The following MYOCD variants were observed in gnomAD, a reference collection of about 807,000 sequenced individuals.
MYOCD encodes the protein myocardin.
A neutral mutation model predicts 96.1 loss-of-function variants in MYOCD; 32 were observed. That is an observed-to-expected ratio of 0.33 (90% CI 0.25 to 0.45). The LOEUF is 0.45. Ranked by LOEUF, MYOCD falls within the 20% of genes least tolerant of loss-of-function variation. The pLI is 1.00. For synonymous variants in MYOCD, 469 were observed against 469.0 expected (o/e 1.00, Z 0.00); for missense variants, 1,133 against 1,200.6 (o/e 0.94, Z 0.83).
intron 6 of MYOCD, among the ~76,000 whole-genome samples, chr17:12,736,805 T>G (rs964039978): frequency 1.3e-5 from 2 of 152,096 alleles, no homozygotes; most frequent in African/African-American, 2.4e-5. Flanking sequence ...GAGGCCCACG[T>G]TGCTTCTGCT....
intron 12 of MYOCD, among the ~76,000 whole-genome samples, chr17:12,759,823 A>C (rs956236766): frequency 1.3e-5 from 2 of 152,196 alleles, no homozygotes; most frequent in Admixed American, 6.5e-5. Context: ...GTCACTTCAA[A>C]GTAAGAGCGT....
intron 9 of MYOCD, among the ~76,000 whole-genome samples, chr17:12,748,197 G>GGA (rs960485108): frequency 6.7e-6 from 1 of 149,258 alleles, no homozygotes; most frequent in Non-Finnish European, 1.5e-5. Flanking sequence ...CAAAAAAACT[G>GGA]GAGAGAGAGA....
chr17:12,707,055 G>GT (rs1252273403), intron 2 of MYOCD, among the ~76,000 whole-genome samples: 1 of 152,176 alleles, frequency 6.6e-6, no homozygotes, highest in Admixed American at 6.5e-5. Context: ...GGCCCTGCCT[G>GT]TACAGACCTT....
At chr17:12,674,304 C>T (rs1008882167) in intron 1 of MYOCD, among the ~76,000 whole-genome samples, 1 of 152,196 alleles carries the variant, frequency 6.6e-6, no homozygotes, top group Non-Finnish European at 1.5e-5. Context: ...TAATGTGCCT[C>T]TTTCTGGGCT....
Position 12,707,544 on chromosome 17 carries a change from A to C in MYOCD, c.121+2351A>C, listed in dbSNP as rs528176948. On this transcript the variant is annotated intron_variant, in intron 2 of 13. Coordinates refer to ENST00000425538, the MANE Select transcript of MYOCD (RefSeq NM_001146312.3). The stretch of plus-strand genomic sequence containing the variant: ...CACGGAGAAAACCCGTCTCTACTAA[A>C]AATACAAAAAAAAGAAAAAATTAGC... Among the ~76,000 whole-genome samples the C allele has an allele frequency of 2.1e-3, 321 of 151,498 alleles. 2 individuals are homozygous for C. The highest frequency in any genetic ancestry group is 7.6e-3 in the African/African-American group (314 of 41,498).
chr17:12,756,695 C>CAAAATAAAAAAAAAAAAA (rs2033022552), intron 11 of MYOCD, 138 bp downstream of exon 11: 1 of 134,326 alleles, frequency 7.4e-6, no homozygotes, highest in Non-Finnish European at 1.3e-5. Flanking sequence ...GACTGCATCT[C>CAAAATAAAAAAAAAAAAA]AAAAAAAAAA....
At chr17:12,707,693 A>G (rs7221863) in intron 2 of MYOCD, among the ~76,000 whole-genome samples, 30 of 152,108 alleles carry the variant, frequency 2.0e-4, no homozygotes, top group Middle Eastern at 3.4e-3. Context: ...CAGCCTGGGC[A>G]ACAGAGCGAG....
At chr17:12,725,950 A>T (rs1395533533) in intron 5 of MYOCD, among the ~76,000 whole-genome samples, 1 of 152,150 alleles carries the variant, frequency 6.6e-6, no homozygotes, top group African/African-American at 2.4e-5. Flanking sequence ...TGACCAAGTA[A>T]TGTGATATTG....
In MYOCD at chr17:12,745,363, C is replaced by T. The variant is rs367762119; in HGVS notation, c.972-556C>T. Among the ~76,000 whole-genome samples the T allele has an allele frequency of 2.2e-4, 33 of 152,212 alleles. No homozygotes were observed. The East Asian group carries it at 5.8e-3, about 27-fold the overall frequency. ...TAGCTAGGATTACAGGCATGCGCCA[C>T]CACGCCCGGCTAATTTTGTATTTTT... On this transcript the variant is annotated intron_variant, in intron 8 of 13. Coordinates refer to ENST00000425538, the MANE Select transcript of MYOCD (RefSeq NM_001146312.3).
At chr17:12,677,785 T>C (rs1402990509) in intron 1 of MYOCD, among the ~76,000 whole-genome samples, 1 of 152,150 alleles carries the variant, frequency 6.6e-6, no homozygotes, top group Non-Finnish European at 1.5e-5. Context: ...AATTTACAAT[T>C]ATTTATGTTA....
intron 5 of MYOCD, among the ~76,000 whole-genome samples, chr17:12,726,277 C>G (rs1234118772): frequency 1.3e-5 from 2 of 152,140 alleles, no homozygotes; most frequent in African/African-American, 2.4e-5. Context: ...CCTGTCACTA[C>G]TCAACTCTGA....
At chr17:12,698,729 CTTTTTTTTTTTTT>C (rs55758881) in intron 1 of MYOCD, among the ~76,000 whole-genome samples, 18 of 64,082 alleles carry the variant, frequency 2.8e-4, no homozygotes, top group African/African-American at 9.2e-4. Context: ...ACCAGACCCT[CTTTTTTTTTTTTT>C]TTTTTTTTTT....
intron 1 of MYOCD, among the ~76,000 whole-genome samples, chr17:12,701,623 G>A (rs1343519966): frequency 6.6e-6 from 1 of 151,678 alleles, no homozygotes; most frequent in East Asian, 1.9e-4. Flanking sequence ...TAGAATCTTA[G>A]GTCACTGATT....
At chr17:12,732,090 G>A (rs544657854) in intron 5 of MYOCD, among the ~76,000 whole-genome samples, 35 of 152,298 alleles carry the variant, frequency 2.3e-4, no homozygotes, top group African/African-American at 7.0e-4. Flanking sequence ...TTAGATACCG[G>A]AGAGGAGTCA....
At chr17:12,735,068 C>T (rs568143712) in intron 5 of MYOCD, among the ~76,000 whole-genome samples, 3 of 152,296 alleles carry the variant, frequency 2.0e-5, no homozygotes, top group Non-Finnish European at 4.4e-5. Flanking sequence ...GTGGCGATGA[C>T]AAGCCCAAAG....
At position 12,764,021 on chromosome 17, in the gene MYOCD, T is replaced by C. The variant is rs1394522869; in HGVS notation, c.*377T>C. On this transcript the variant is annotated 3_prime_UTR_variant, in exon 14 of 14. Coordinates refer to ENST00000425538, the MANE Select transcript of MYOCD (RefSeq NM_001146312.3). ...TCTCATGAATTCACTAGACATAACG[T>C]GGAAGGAAAACGTAGTCTTTTGGGA... is the stretch of plus-strand genomic sequence containing the variant. 1 of 161,560 alleles carries C rather than the reference T, an allele frequency of 6.2e-6. No individual in the cohort carries two copies. Among genetic ancestry groups the C allele is most frequent in the African/African-American group, 2.4e-5 (1 of 41,772 alleles). The allele number at this position is 161,560 out of a possible 1,614,324, so 10.0% of individuals were successfully genotyped here. A position where few individuals can be genotyped will look rare whatever the true frequency, so the allele number is the denominator to read the frequency against.
chr17:12,697,654 G>A (rs2030843870), intron 1 of MYOCD, among the ~76,000 whole-genome samples: 2 of 151,698 alleles, frequency 1.3e-5, no homozygotes, highest in Non-Finnish European at 2.9e-5. Flanking sequence ...CACCGGCCTA[G>A]GTATACATTT....
chr17:12,717,674 G>C (rs2031691598), intron 4 of MYOCD, among the ~76,000 whole-genome samples: 1 of 152,152 alleles, frequency 6.6e-6, no homozygotes, highest in African/African-American at 2.4e-5. Context: ...CTAAGGCCTG[G>C]GCAAATCACA....
chr17:12,753,486 A>C, intron 10 of MYOCD, 140 bp downstream of exon 10: 3 of 772,042 alleles, frequency 3.9e-6, no homozygotes. Context: ...CAGACACTAC[A>C]ATCCTTGAAT....
Sources: gnomAD v4.1 joint callset for allele counts (sites outside exome capture counted in the v4.1 genomes callset) on GRCh38, gnomAD v4.1.1 for gene constraint, MANE v1.5 for transcripts, NCBI Gene and HGNC (gene_info 2026-07-23, HGNC 2026-07-21) for gene names.